Variants in PLCE1 observed in about 807,000 individuals in gnomAD.
PLCE1 encodes the protein 1-phosphatidylinositol 4,5-bisphosphate phosphodiesterase epsilon-1.
A neutral mutation model predicts 242.8 loss-of-function variants in PLCE1; 119 were observed. The observed-to-expected ratio is 0.49, with a 90% CI of 0.42 to 0.57. The LOEUF is 0.57. PLCE1 is among the 20% of genes least tolerant of loss of function. The pLI is 0.00. For missense variants in PLCE1, 2,441 were observed against 2,788.8 expected (o/e 0.88, Z 2.81); for synonymous variants, 945 against 1,017.4 (o/e 0.93, Z 1.35).
chr10:94,082,701 A>C (rs916926138), intron 2 of PLCE1, among the ~76,000 whole-genome samples: 3 of 152,244 alleles, frequency 2.0e-5, no homozygotes, highest in Non-Finnish European at 2.9e-5. Context: ...CAATGGGTGG[A>C]TACAAGATCA....
intron 7 of PLCE1, among the ~76,000 whole-genome samples, chr10:94,236,476 T>C (rs1006648079): frequency 6.6e-6 from 1 of 152,218 alleles, no homozygotes; most frequent in Non-Finnish European, 1.5e-5. Context: ...ACAGTGGTTT[T>C]TTTAATTCTT....
chr10:94,258,545 G>A (rs2051182526), intron 11 of PLCE1, among the ~76,000 whole-genome samples: 1 of 152,150 alleles, frequency 6.6e-6, no homozygotes. Flanking sequence ...GATTAATAGA[G>A]GAATATTAAC....
At chr10:94,175,527 G>A (rs1399052657) in intron 4 of PLCE1, among the ~76,000 whole-genome samples, 1 of 152,012 alleles carries the variant, frequency 6.6e-6, no homozygotes, top group East Asian at 1.9e-4. Context: ...AGTAAATAGG[G>A]TATCCATCAT....
At chr10:94,189,420 C>G (rs926166211) in intron 4 of PLCE1, among the ~76,000 whole-genome samples, 4 of 151,908 alleles carry the variant, frequency 2.6e-5, no homozygotes, top group Non-Finnish European at 5.9e-5. Flanking sequence ...CCCTCCTCTC[C>G]CCACAAGATG....
At chr10:94,324,280 T>G (rs752881515) in intron 30 of PLCE1, 69 bp from the exon 31 acceptor site, 3 of 1,264,060 alleles carry the variant, frequency 2.4e-6, no homozygotes, top group Non-Finnish European at 3.5e-6. Context: ...CCTTAAAGTT[T>G]CATATAGAAT....
At chr10:94,030,009 A>T (rs1246516294) in intron 1 of PLCE1, among the ~76,000 whole-genome samples, 2 of 152,172 alleles carry the variant, frequency 1.3e-5, no homozygotes, top group African/African-American at 4.8e-5. Context: ...CTTGTTAGTG[A>T]TAAGTTATTT....
At position 94,254,882 on chromosome 10, in the gene PLCE1, C is replaced by A; in HGVS notation, c.3398-11C>A. On this transcript the variant is annotated splice_polypyrimidine_tract_variant and intron_variant, in intron 10 of 32. Transcript: ENST00000371380. The stretch of plus-strand genomic sequence containing the variant: ...GAGTCATTCTCTCTTTTCTGTCTTT[C>A]ATCCTCACAGAGGTGAATGCCATCG... 1 of 1,613,728 alleles carries A rather than the reference C, an allele frequency of 6.2e-7. No individual in the cohort carries two copies. The highest frequency in any genetic ancestry group is 8.5e-7 in the Non-Finnish European group (1 of 1,179,644).
At chr10:94,145,421 TGA>T (rs2047083629) in intron 3 of PLCE1, among the ~76,000 whole-genome samples, 1 of 152,198 alleles carries the variant, frequency 6.6e-6, no homozygotes, top group South Asian at 2.1e-4. Context: ...CCATACTCAC[TGA>T]TGACTATGAG....
At chr10:94,133,155 A>G (rs1181202456) in intron 3 of PLCE1, among the ~76,000 whole-genome samples, 2 of 152,214 alleles carry the variant, frequency 1.3e-5, no homozygotes, top group Non-Finnish European at 2.9e-5. Flanking sequence ...GGTTGGGAGC[A>G]GAGTGAAATA....
intron 2 of PLCE1, among the ~76,000 whole-genome samples, chr10:94,058,738 G>C (rs1030982323): frequency 2.6e-5 from 4 of 152,078 alleles, no homozygotes; most frequent in Admixed American, 6.6e-5. Flanking sequence ...AATGGTGATG[G>C]GGACTTAATT....
At chr10:94,030,574 C>A (rs960119674) in intron 1 of PLCE1, among the ~76,000 whole-genome samples, 109 bp from the exon 2 acceptor site, 2 of 149,528 alleles carry the variant, frequency 1.3e-5, no homozygotes, top group Non-Finnish European at 3.0e-5. Flanking sequence ...CTTCTGATTG[C>A]AAAAAAAAAC....
chr10:94,051,286 C>CAAAAAACAAAAAAA (rs2043757497), intron 2 of PLCE1, among the ~76,000 whole-genome samples: 1 of 29,356 alleles, frequency 3.4e-5, no homozygotes, highest in African/African-American at 9.1e-5. Context: ...GACTCCAACT[C>CAAAAAACAAAAAAA]AAAAAAAAAA....
intron 2 of PLCE1, among the ~76,000 whole-genome samples, chr10:94,131,124 A>G (rs1318592675): frequency 6.6e-6 from 1 of 152,232 alleles, no homozygotes; most frequent in Non-Finnish European, 1.5e-5. Flanking sequence ...AAGGTGCTCA[A>G]GGTGACATGA....
intron 18 of PLCE1, 58 bp from the exon 19 acceptor site, chr10:94,273,504 A>AT (rs2051827403): frequency 1.4e-6 from 2 of 1,427,336 alleles, no homozygotes; most frequent in African/African-American, 2.8e-5. Context: ...AAGTGTACAT[A>AT]TATTTATCAA....
intron 11 of PLCE1, among the ~76,000 whole-genome samples, chr10:94,255,370 T>G (rs533602576): frequency 6.6e-6 from 1 of 152,210 alleles, no homozygotes; most frequent in South Asian, 2.1e-4. Context: ...TAAAGAAAAT[T>G]TAAAATTCAG....
At chr10:94,089,716 G>C (rs1284526048) in intron 2 of PLCE1, among the ~76,000 whole-genome samples, 1 of 152,070 alleles carries the variant, frequency 6.6e-6, no homozygotes. Context: ...GGTATATTAT[G>C]TATCAACATT....
intron 4 of PLCE1, among the ~76,000 whole-genome samples, chr10:94,199,636 G>A (rs1029420715): frequency 1.3e-5 from 2 of 152,176 alleles, no homozygotes; most frequent in Middle Eastern, 3.2e-3. Context: ...CGGCAAAAAG[G>A]TTTGTCTTAG....
At chr10:94,235,294 TA>T (rs746876490) in intron 6 of PLCE1, among the ~76,000 whole-genome samples, 23 of 152,030 alleles carry the variant, frequency 1.5e-4, no homozygotes, top group Admixed American at 8.5e-4. Flanking sequence ...GGAGAAAGCT[TA>T]AAGGAAGACT....
chr10:94,267,551 C>G (rs1044524549), intron 16 of PLCE1, among the ~76,000 whole-genome samples: 3 of 152,214 alleles, frequency 2.0e-5, no homozygotes, highest in Non-Finnish European at 4.4e-5. Context: ...CCCTGTTCTT[C>G]TCATCTAGAA....
Sources: gnomAD v4.1 joint callset for allele counts (sites outside exome capture counted in the v4.1 genomes callset) on GRCh38, gnomAD v4.1.1 for gene constraint, MANE v1.5 for transcripts, NCBI Gene and HGNC (gene_info 2026-07-23, HGNC 2026-07-21) for gene names.